The following ACOT7 variants were observed in gnomAD, a reference collection of about 807,000 sequenced individuals.
ACOT7 encodes cytosolic acyl coenzyme A thioester hydrolase.
ACOT7 carries 12 observed loss-of-function variants against 40.2 expected under a neutral mutation model. The ratio of observed to expected loss-of-function variants is 0.30; its 90% CI spans 0.19 to 0.48. The LOEUF is 0.48. ACOT7 is among the 20% of genes least tolerant of loss of function. The probability of loss-of-function intolerance (pLI) is 0.99; values close to 1 mark genes in which losing one functional copy is unlikely to be tolerated. For missense variants in ACOT7, 395 were observed against 530.8 expected, an observed-to-expected ratio of 0.74 and a Z score of 2.51; for synonymous variants, 228 against 219.5, an observed-to-expected ratio of 1.04 and a Z score of -0.34.
chr1:6,317,988 T>A (rs1038196864), intron 6 of ACOT7, among the ~76,000 whole-genome samples: 6 of 152,208 alleles, frequency 3.9e-5, no homozygotes, highest in African/African-American at 1.2e-4. Context: ...CACCTCGGCC[T>A]CCCAAAGTGC....
chr1:6,340,805 G>C (rs1014634899), intron 2 of ACOT7, among the ~76,000 whole-genome samples: 3 of 152,060 alleles, frequency 2.0e-5, no homozygotes, highest in African/African-American at 7.2e-5. Flanking sequence ...GGAGGCCGAG[G>C]TGGGCGGATC....
At chr1:6,363,708 T>C (rs1178830878) in intron 1 of ACOT7, among the ~76,000 whole-genome samples, 2 of 152,078 alleles carry the variant, frequency 1.3e-5, no homozygotes, top group Non-Finnish European at 2.9e-5. Flanking sequence ...TTGGAGATGA[T>C]TCACACTCTT....
intron 2 of ACOT7, among the ~76,000 whole-genome samples, chr1:6,340,778 A>G (rs1056150160): frequency 1.3e-5 from 2 of 151,908 alleles, no homozygotes; most frequent in Admixed American, 6.6e-5. Context: ...GCTCATGACT[A>G]TAATTCCAGA....
chr1:6,372,056 A>G (rs2148474190), intron 1 of ACOT7, among the ~76,000 whole-genome samples: 1 of 152,072 alleles, frequency 6.6e-6, no homozygotes, highest in South Asian at 2.1e-4. Context: ...AAAAAAAAAA[A>G]AAGAAAAAAC....
rs1218119979 is a variant in ACOT7, at chr1:6,318,643, C to T, written c.626-65G>A. 5 of 1,539,542 alleles carry T rather than the reference C, an allele frequency of 3.2e-6. No individual in the cohort carries two copies. The African/African-American group carries it at 5.5e-5, about 17-fold the overall frequency. On this transcript the variant is annotated intron_variant, in intron 5 of 8. Transcript: ENST00000361521. ...TGATTCCCACAGCTGAATGGTCTGG[C>T]AATGCCGAAACCACCCTCAGGTCTA...
At chr1:6,269,035 C>T (rs1393830590) in intron 8 of ACOT7, among the ~76,000 whole-genome samples, 1 of 152,228 alleles carries the variant, frequency 6.6e-6, no homozygotes, top group Admixed American at 6.5e-5. Flanking sequence ...CCTGCGCAAC[C>T]CATGCTTAGG....
chr1:6,329,219 C>CG (rs1336746687), intron 4 of ACOT7, among the ~76,000 whole-genome samples: 1 of 152,226 alleles, frequency 6.6e-6, no homozygotes, highest in Non-Finnish European at 1.5e-5. Context: ...CACCATTCAC[C>CG]GTTCCTCGGC....
rs1047323423 is a variant in ACOT7, at chr1:6,275,984, G to A, written c.1014+5118C>T. On this transcript the variant is annotated intron_variant, in intron 8 of 8. Transcript: ENST00000361521. The surrounding 1 kb of genome is among the most constrained non-coding windows in gnomAD (Gnocchi z 5.6). ...AATCTGGGGACACATCCCCTCCCCA[G>A]TGTGCCCAGGAAGCAGTGGGGTCAC... Among the ~76,000 whole-genome samples, 10 of 152,178 alleles carry A rather than the reference G, an allele frequency of 6.6e-5. No homozygotes were observed. Among genetic ancestry groups the A allele is most frequent in the Non-Finnish European group, 1.0e-4 (7 of 68,032 alleles).
At chr1:6,312,219 G>A (rs1640357061) in intron 6 of ACOT7, among the ~76,000 whole-genome samples, 1 of 152,110 alleles carries the variant, frequency 6.6e-6, no homozygotes, top group African/African-American at 2.4e-5. Flanking sequence ...AGGGGCCAGG[G>A]GAGATGGTTA....
chr1:6,350,195 AGGT>A (rs1417406014), intron 1 of ACOT7, among the ~76,000 whole-genome samples: 1 of 152,192 alleles, frequency 6.6e-6, no homozygotes, highest in Non-Finnish European at 1.5e-5. Context: ...CAGGGCAGGG[AGGT>A]GGTGATCAGC....
rs1474488517 is a variant in ACOT7 at position 6,278,248 on chromosome 1, T to G, written c.1014+2854A>C. The stretch of plus-strand genomic sequence containing the variant: ...CAGGTGCACAGGCGCCGGGCAGGAG[T>G]GAGCTTGCTGCACCCACACCCAGGG... On this transcript the variant is annotated intron_variant, in intron 8 of 8. Transcript: ENST00000361521. The surrounding 1 kb of genome is among the most constrained non-coding windows in gnomAD (Gnocchi z 4.1). 6.6e-6 allele frequency among the ~76,000 whole-genome samples: 1 copy of G among 151,688 alleles called. No homozygotes were observed. Among genetic ancestry groups the G allele is most frequent in the Non-Finnish European group, 1.5e-5 (1 of 67,896 alleles).
intron 6 of ACOT7, among the ~76,000 whole-genome samples, chr1:6,312,778 T>C (rs962976734): frequency 6.6e-5 from 10 of 152,222 alleles, no homozygotes; most frequent in African/African-American, 2.4e-4. Context: ...GATGTACTAA[T>C]TTCATATTGT....
intron 5 of ACOT7, among the ~76,000 whole-genome samples, chr1:6,326,416 A>G (rs1003919781): frequency 6.6e-6 from 1 of 152,128 alleles, no homozygotes; most frequent in Non-Finnish European, 1.5e-5. Context: ...TTGAGTGAAC[A>G]TTTTGTTAAA....
chr1:6,331,187 G>GTTCAACCC (rs1640943048), intron 4 of ACOT7, among the ~76,000 whole-genome samples: 1 of 152,174 alleles, frequency 6.6e-6, no homozygotes, highest in African/African-American at 2.4e-5. Context: ...TTGAACCGAG[G>GTTCAACCC]GCTGGTGCAG....
At chr1:6,317,923 G>C (rs529620536) in intron 6 of ACOT7, among the ~76,000 whole-genome samples, 201 of 152,204 alleles carry the variant, frequency 1.3e-3, no homozygotes, top group Admixed American at 4.4e-3. Context: ...GTAAAGATGG[G>C]GTTTTGCCAT....
At chr1:6,272,450 G>A (rs1158843484) in intron 8 of ACOT7, among the ~76,000 whole-genome samples, 1 of 152,196 alleles carries the variant, frequency 6.6e-6, no homozygotes, top group Middle Eastern at 3.2e-3. Flanking sequence ...AGATGAGAGT[G>A]TCCAGCACAC....
intron 7 of ACOT7, among the ~76,000 whole-genome samples, chr1:6,285,534 G>GCTGT (rs913504333): frequency 2.6e-5 from 4 of 152,240 alleles, no homozygotes; most frequent in Non-Finnish European, 5.9e-5. Flanking sequence ...GCAGCCATGT[G>GCTGT]CTGTCATTCC....
chr1:6,282,165 C>T lies in ACOT7; in HGVS notation c.830-879G>A, dbSNP rs982292898. ...TGACCCAGAGCTGCTCTTCTGCCCC[C>T]ACCACCCTCCCCGGCCTGGGCTCCA... is the stretch of plus-strand genomic sequence containing the variant. On this transcript the variant is annotated intron_variant, in intron 7 of 8. Coordinates refer to ENST00000361521, the MANE Select transcript of ACOT7 (RefSeq NM_007274.4). The surrounding 1 kb of genome is among the most constrained non-coding windows in gnomAD (Gnocchi z 4.5). 6.6e-6 allele frequency among the ~76,000 whole-genome samples: 1 copy of T among 152,136 alleles called. No individual in the cohort carries two copies. Among genetic ancestry groups the T allele is most frequent in the Non-Finnish European group, 1.5e-5 (1 of 68,032 alleles).
rs1169370667 is a variant in ACOT7, at chr1:6,299,825, TCACA to T, written c.713-4849_713-4846del. The stretch of plus-strand genomic sequence containing the variant: ...ACAACAGCTGGACTAGTGGTCCCAC[TCACA>T]CACACAGCCAGCACAGGTGTGCCAC... On this transcript the variant is annotated intron_variant, in intron 6 of 8. Transcript: ENST00000361521. This position sits in a 1 kb window ranked among gnomAD's most constrained non-coding sequence, Gnocchi z 4.1. Among the ~76,000 whole-genome samples, 2 of 152,140 alleles carry T rather than the reference TCACA, an allele frequency of 1.3e-5. No individual in the cohort carries two copies. Among genetic ancestry groups the T allele is most frequent in the Non-Finnish European group, 2.9e-5 (2 of 68,016 alleles).
Sources: gnomAD v4.1 joint callset for allele counts (sites outside exome capture counted in the v4.1 genomes callset) on GRCh38, gnomAD v4.1.1 for gene constraint, Gnocchi (gnomAD v3.1) non-coding constraint, MANE v1.5 for transcripts, NCBI Gene and HGNC (gene_info 2026-07-23, HGNC 2026-07-21) for gene names.